TRA2A: variants seen among roughly 807,000 people sequenced by gnomAD.
TRA2A encodes transformer 2 alpha homolog.
A neutral mutation model predicts 45.7 loss-of-function variants in TRA2A; 31 were observed. The ratio of observed to expected loss-of-function variants is 0.68; its 90% CI spans 0.51 to 0.92. The LOEUF (loss-of-function observed/expected upper bound fraction) is 0.92. Among genes scored for constraint, TRA2A ranks in the 40% least tolerant of loss-of-function variants. The pLI is 0.00. For missense variants in TRA2A, 304 were observed against 367.5 expected, an observed-to-expected ratio of 0.83 and a Z score of 1.41; for synonymous variants, 132 against 126.2, an observed-to-expected ratio of 1.05 and a Z score of -0.31.
At chr7:23,520,840 C>G (rs556987077) in intron 2 of TRA2A, among the ~76,000 whole-genome samples, 13 of 151,988 alleles carry the variant, frequency 8.6e-5, no homozygotes, top group African/African-American at 3.1e-4. Context: ...CTACAGGTGC[C>G]CGCCACCCCG....
At chr7:23,527,168 A>C (rs974671254) in intron 1 of TRA2A, among the ~76,000 whole-genome samples, 8 of 152,304 alleles carry the variant, frequency 5.3e-5, no homozygotes, top group African/African-American at 1.9e-4. Flanking sequence ...TTGGTAAGTC[A>C]GATGATAGGG....
chr7:23,531,660 A>C, intron 1 of TRA2A, 129 bp downstream of exon 1: 1 of 936,278 alleles, frequency 1.1e-6, no homozygotes, highest in South Asian at 1.5e-5. Context: ...GGATGGGAGG[A>C]ATCAATCGCG....
chr7:23,530,198 G>A (rs1189975878), intron 1 of TRA2A, among the ~76,000 whole-genome samples: 3 of 152,118 alleles, frequency 2.0e-5, no homozygotes, highest in Non-Finnish European at 1.5e-5. Flanking sequence ...TTTATCGCAT[G>A]ATTTTAGAAA....
intron 1 of TRA2A, among the ~76,000 whole-genome samples, chr7:23,524,102 T>C (rs1313693777): frequency 2.0e-5 from 3 of 152,202 alleles, no homozygotes; most frequent in African/African-American, 7.2e-5. Flanking sequence ...TTCAGTAACA[T>C]CTTAAAATTC....
chr7:23,511,370 C>CAAAAAAAAAAAAAAAAAAAAAA (rs567187750), intron 4 of TRA2A, among the ~76,000 whole-genome samples: 2 of 40,112 alleles, frequency 5.0e-5, no homozygotes, highest in South Asian at 1.4e-3. Context: ...GACTCCATCT[C>CAAAAAAAAAAAAAAAAAAAAAA]AAAAAAAAAA....
intron 1 of TRA2A, among the ~76,000 whole-genome samples, chr7:23,522,730 T>C (rs1051575605): frequency 6.6e-6 from 1 of 152,132 alleles, no homozygotes; most frequent in Non-Finnish European, 1.5e-5. Context: ...AATTCAAATA[T>C]AAATCTAACA....
At chr7:23,512,438 C>T (rs1040625400) in intron 4 of TRA2A, among the ~76,000 whole-genome samples, 1 of 152,020 alleles carries the variant, frequency 6.6e-6, no homozygotes, top group African/African-American at 2.4e-5. Context: ...CCAGCCTGGG[C>T]AACAGAGCAA....
At chr7:23,515,673 G>A (rs1789833452) in intron 3 of TRA2A, among the ~76,000 whole-genome samples, 4 of 151,932 alleles carry the variant, frequency 2.6e-5, no homozygotes, top group African/African-American at 9.7e-5. Context: ...AGCCTCTCAA[G>A]TAGTTGAGAT....
intron 4 of TRA2A, among the ~76,000 whole-genome samples, chr7:23,510,970 T>A (rs1164588970): frequency 6.6e-6 from 1 of 152,190 alleles, no homozygotes; most frequent in Non-Finnish European, 1.5e-5. Flanking sequence ...TATTGACATT[T>A]TGAGACTGAT....
intron 3 of TRA2A, among the ~76,000 whole-genome samples, chr7:23,515,481 T>C (rs1789823421): frequency 6.6e-6 from 1 of 152,048 alleles, no homozygotes; most frequent in Non-Finnish European, 1.5e-5. Context: ...CCTCCCAAAG[T>C]GCTGGGATTA....
chr7:23,521,047 T>C lies in TRA2A; in HGVS notation c.170+660A>G, dbSNP rs529965186. ...ACACCTGGGGCATTTGACAGTGAAC[T>C]TTGCATTGGTTCACTATTGCGTTTC... On this transcript the variant is annotated intron_variant, in intron 2 of 7. Transcript: ENST00000297071. Among the ~76,000 whole-genome samples the C allele has an allele frequency of 7.9e-5, 12 of 152,294 alleles. No homozygotes were observed. The East Asian group carries it at 2.3e-3, about 29-fold the overall frequency.
At chr7:23,519,301 A>C (rs1043052842) in intron 2 of TRA2A, among the ~76,000 whole-genome samples, 5 of 152,064 alleles carry the variant, frequency 3.3e-5, no homozygotes, top group African/African-American at 9.7e-5. Flanking sequence ...GGCTGAGGCA[A>C]GAGAATCACT....
intron 4 of TRA2A, among the ~76,000 whole-genome samples, chr7:23,508,166 TTTTA>T (rs368946291): frequency 3.6e-4 from 54 of 151,876 alleles, no homozygotes; most frequent in African/African-American, 1.3e-3. Flanking sequence ...CCTTTCAACC[TTTTA>T]TTGAGACTGA....
At chr7:23,523,352 GT>G (rs549283662) in intron 1 of TRA2A, among the ~76,000 whole-genome samples, 9 of 151,882 alleles carry the variant, frequency 5.9e-5, no homozygotes, top group Non-Finnish European at 1.0e-4. Context: ...TCATAAGCTT[GT>G]TTTTTTTAAC....
chr7:23,531,305 C>G (rs1790571677), intron 1 of TRA2A: 1 of 957,996 alleles, frequency 1.0e-6, no homozygotes, highest in Non-Finnish European at 1.2e-6. Context: ...CAGGCCCCAG[C>G]TAGTCCCACG....
At chr7:23,524,077 A>C (rs529393571) in intron 1 of TRA2A, among the ~76,000 whole-genome samples, 1 of 152,372 alleles carries the variant, frequency 6.6e-6, no homozygotes, top group East Asian at 1.9e-4. Flanking sequence ...CCTTTTATTA[A>C]AGTAAACAAG....
At chr7:23,531,470 G>A (rs1198289323) in intron 1 of TRA2A, 1 of 387,140 alleles carries the variant, frequency 2.6e-6, no homozygotes, top group Non-Finnish European at 4.6e-6. Context: ...CAACCGCGAC[G>A]GGGACCCACA....
chr7:23,525,158 G>A (rs904554875), intron 1 of TRA2A, among the ~76,000 whole-genome samples: 1 of 152,192 alleles, frequency 6.6e-6, no homozygotes, highest in Non-Finnish European at 1.5e-5. Context: ...CTCTGCATTA[G>A]GAATCAGGCT....
chr7:23,517,565 C>A (rs1344286174), intron 2 of TRA2A, among the ~76,000 whole-genome samples: 2 of 144,740 alleles, frequency 1.4e-5, no homozygotes, highest in African/African-American at 5.1e-5. Context: ...GGCAACATAG[C>A]AAGACTCCAC....
Sources: gnomAD v4.1 joint callset for allele counts (sites outside exome capture counted in the v4.1 genomes callset) on GRCh38, gnomAD v4.1.1 for gene constraint, MANE v1.5 for transcripts, NCBI Gene and HGNC (gene_info 2026-07-23, HGNC 2026-07-21) for gene names.